Variants in EXOC6B observed in about 807,000 individuals in gnomAD.
EXOC6B encodes the protein SEC15 homolog B.
Under a neutral mutation model 113.5 loss-of-function variants are expected in EXOC6B, and 54 were observed. The observed-to-expected ratio is 0.48, with a 90% CI of 0.38 to 0.60. The LOEUF (loss-of-function observed/expected upper bound fraction) is 0.60, where lower values mean the gene tolerates loss of function less well. Among genes scored for constraint, EXOC6B ranks in the 20% least tolerant of loss-of-function variants. The pLI is 0.00. For synonymous variants in EXOC6B, 357 were observed against 339.0 expected (o/e 1.05, Z -0.58); for missense variants, 797 against 977.5 (o/e 0.82, Z 2.46).
At chr2:72,289,149 A>G in intron 20 of EXOC6B, 1 of 229,236 alleles carries the variant, frequency 4.4e-6, no homozygotes, top group South Asian at 6.8e-5. Flanking sequence ...AAAATGGCTC[A>G]TGGGCCAAAA....
At chr2:72,697,545 A>G (rs1353232229) in intron 6 of EXOC6B, among the ~76,000 whole-genome samples, 1 of 151,998 alleles carries the variant, frequency 6.6e-6, no homozygotes, top group Non-Finnish European at 1.5e-5. Context: ...TTAGCCGGGC[A>G]TGGTGGTGCA....
At chr2:72,550,874 G>A (rs1025182226) in intron 8 of EXOC6B, among the ~76,000 whole-genome samples, 1 of 151,042 alleles carries the variant, frequency 6.6e-6, no homozygotes, top group Non-Finnish European at 1.5e-5. Context: ...ATTAGCATCA[G>A]AGATACATAA....
At chr2:72,276,877 C>T (rs555239430) in intron 20 of EXOC6B, among the ~76,000 whole-genome samples, 5 of 152,236 alleles carry the variant, frequency 3.3e-5, no homozygotes, top group Admixed American at 6.5e-5. Context: ...TAAGTCTTCC[C>T]TGGCACTTAA....
At chr2:72,255,769 T>C (rs987606452) in intron 20 of EXOC6B, among the ~76,000 whole-genome samples, 1 of 152,194 alleles carries the variant, frequency 6.6e-6, no homozygotes, top group Non-Finnish European at 1.5e-5. Context: ...TTTGAGCTGA[T>C]GATGTTTAGA....
At chr2:72,607,076 G>GT (rs1261101571) in intron 6 of EXOC6B, among the ~76,000 whole-genome samples, 6 of 152,088 alleles carry the variant, frequency 3.9e-5, no homozygotes, top group Admixed American at 6.5e-5. Context: ...TCTCAGAACA[G>GT]TATTAATTAA....
intron 5 of EXOC6B, chr2:72,721,904 T>C (rs187838628): frequency 2.6e-5 from 4 of 152,012 alleles, no homozygotes; most frequent in African/African-American, 9.6e-5. Context: ...CAATATTTAT[T>C]AAATGGATTT....
rs1678217301 is a variant in EXOC6B at position 72,183,427 on chromosome 2, T to C, written c.2309+648A>G. On this transcript the variant is annotated intron_variant, in intron 21 of 21. Coordinates refer to ENST00000272427, the MANE Select transcript of EXOC6B (RefSeq NM_015189.3). ...AGCCCTGAGATTTCCTGGAGCTGCCTAACTTACTTTCAGTGGTAGCACCTC... is the reference window on the plus strand; with the variant it reads ...AGCCCTGAGATTTCCTGGAGCTGCCCAACTTACTTTCAGTGGTAGCACCTC... 2.0e-5 allele frequency among the ~76,000 whole-genome samples: 3 copies of C among 152,198 alleles called. No individual in the cohort carries two copies. The South Asian group carries it at 6.2e-4, about 31-fold the overall frequency.
At chr2:72,644,265 T>C (rs1003389670) in intron 6 of EXOC6B, among the ~76,000 whole-genome samples, 2 of 151,852 alleles carry the variant, frequency 1.3e-5, no homozygotes, top group African/African-American at 4.8e-5. Context: ...CAAAAAGAAA[T>C]GAACAAAGCC....
intron 18 of EXOC6B, among the ~76,000 whole-genome samples, chr2:72,452,653 G>A (rs1696985882): frequency 6.6e-6 from 1 of 152,176 alleles, no homozygotes; most frequent in Non-Finnish European, 1.5e-5. Context: ...CCAGGAATAA[G>A]CATAGTATGT....
chr2:72,521,929 C>T (rs1356803497), intron 8 of EXOC6B, among the ~76,000 whole-genome samples: 1 of 152,190 alleles, frequency 6.6e-6, no homozygotes, highest in African/African-American at 2.4e-5. Context: ...ATCTCGTGAC[C>T]TTGTGATCCA....
intron 20 of EXOC6B, among the ~76,000 whole-genome samples, chr2:72,229,787 A>C (rs1439796610): frequency 3.9e-5 from 6 of 152,232 alleles, no homozygotes; most frequent in African/African-American, 1.2e-4. Flanking sequence ...ATTTTTTAGA[A>C]AAGTTGCCTA....
At chr2:72,407,274 T>A (rs9678682) in intron 18 of EXOC6B, among the ~76,000 whole-genome samples, 29,399 of 152,122 alleles carry the variant, frequency 0.19, 5,122 homozygotes, top group African/African-American at 0.47. Flanking sequence ...ACAGCTGAAT[T>A]CTACCAGAGG....
chr2:72,437,606 G>A (rs545029276), intron 18 of EXOC6B, among the ~76,000 whole-genome samples: 2 of 152,328 alleles, frequency 1.3e-5, no homozygotes, highest in South Asian at 2.1e-4. Flanking sequence ...CCAGAGAAGA[G>A]GAATCAAGAG....
At chr2:72,213,475 T>A (rs1680323614) in intron 20 of EXOC6B, among the ~76,000 whole-genome samples, 1 of 152,132 alleles carries the variant, frequency 6.6e-6, no homozygotes. Flanking sequence ...GCAGAGGCAA[T>A]CTGTGGTATC....
chr2:72,250,079 T>C (rs940053510), intron 20 of EXOC6B, among the ~76,000 whole-genome samples: 5 of 152,246 alleles, frequency 3.3e-5, no homozygotes, highest in African/African-American at 1.2e-4. Context: ...ATGAATGCTT[T>C]ACCTTTGAGT....
At chr2:72,413,176 T>C (rs1388412598) in intron 18 of EXOC6B, among the ~76,000 whole-genome samples, 1 of 151,612 alleles carries the variant, frequency 6.6e-6, no homozygotes, top group Non-Finnish European at 1.5e-5. Context: ...TTAGCCAGGA[T>C]GGTCTTGATC....
chr2:72,227,312 G>C (rs893985658), intron 20 of EXOC6B, among the ~76,000 whole-genome samples: 2 of 152,008 alleles, frequency 1.3e-5, no homozygotes, highest in African/African-American at 4.8e-5. Context: ...AGGAAAACCG[G>C]TCCAGTAAAA....
intron 20 of EXOC6B, among the ~76,000 whole-genome samples, chr2:72,208,966 G>A (rs1219219153): frequency 1.3e-5 from 2 of 152,088 alleles, no homozygotes; most frequent in African/African-American, 4.8e-5. Context: ...GCTCATGCCT[G>A]TAATCCCAGC....
chr2:72,472,127 T>G (rs1698449444), intron 17 of EXOC6B, among the ~76,000 whole-genome samples: 1 of 152,240 alleles, frequency 6.6e-6, no homozygotes, highest in Admixed American at 6.5e-5. Context: ...AGTATGTTGC[T>G]GATAATTTTT....
Sources: allele counts gnomAD v4.1 joint callset (sites outside exome capture counted in the v4.1 genomes callset), GRCh38; gene constraint gnomAD v4.1.1; transcripts MANE v1.5; gene names NCBI Gene and HGNC (gene_info 2026-07-23, HGNC 2026-07-21).